GRIA1: variants seen among roughly 807,000 people sequenced by gnomAD.
GRIA1 encodes the protein glutamate ionotropic receptor AMPA type subunit 1.
Under a neutral mutation model 99.2 loss-of-function variants are expected in GRIA1, and 31 were observed. That is an observed-to-expected ratio of 0.31 (90% CI 0.23 to 0.42). The LOEUF (loss-of-function observed/expected upper bound fraction) is 0.42, where lower values mean the gene tolerates loss of function less well. GRIA1 is among the 10% of genes least tolerant of loss of function. GRIA1 has a pLI of 1.00. For synonymous variants in GRIA1, 438 were observed against 432.4 expected (o/e 1.01, Z -0.16); for missense variants, 782 against 1,157.5 (o/e 0.68, Z 4.71).
chr5:153,798,965 A>C (rs1765819014), intron 14 of GRIA1, among the ~76,000 whole-genome samples: 1 of 152,164 alleles, frequency 6.6e-6, no homozygotes, highest in Non-Finnish European at 1.5e-5. Context: ...TCACCATAGC[A>C]ACAAGCCCAG....
rs573275575 is a variant in GRIA1, at chr5:153,706,005, A to T, written c.1761A>T (p.Ile587=). 1 of 1,613,926 alleles carries T rather than the reference A, an allele frequency of 6.2e-7. No homozygotes were observed. Among genetic ancestry groups the T allele is most frequent in the East Asian group, 2.2e-5 (1 of 44,878 alleles). Residue 587 remains isoleucine, a synonymous_variant, in exon 11 of 16, where the codon ATA becomes ATT. Coordinates refer to ENST00000285900, the MANE Select transcript of GRIA1 (RefSeq NM_000827.4). ...TTSDQSNEFG[I]FNSLWFSLGA... is the part of the protein sequence containing the mutation. ...GTGACCAGTCCAATGAGTTTGGGAT[A>T]TTCAACAGTTTGTGGTTCTCCCTGG...
chr5:153,709,059 G>C (rs376746015), intron 11 of GRIA1, among the ~76,000 whole-genome samples: 1 of 152,202 alleles, frequency 6.6e-6, no homozygotes, highest in African/African-American at 2.4e-5. Context: ...ATCTTACCTT[G>C]AACCAGACAA....
In GRIA1 at chr5:153,706,108, T is replaced by TTTTGTTTGTTTGTTTG. The variant is rs140268951; in HGVS notation, c.1823+53_1823+68dup. 5.8e-3 allele frequency: 7,828 copies of TTTTGTTTGTTTGTTTG among 1,349,050 alleles called. 112 individuals carry two copies. Among genetic ancestry groups the TTTTGTTTGTTTGTTTG allele is most frequent in the South Asian group, 0.024 (1,873 of 79,630 alleles). The allele number at this position is 1,349,050 out of a possible 1,614,324, so 83.6% of individuals were successfully genotyped here. ...TCAATCCCTTTGCCTAATGCTATGG[T>TTTTGTTTGTTTGTTTG]TTTGTTTGTTTGTTTGTTTGTTTGT... On this transcript the variant is annotated intron_variant, in intron 11 of 15. Transcript: ENST00000285900.
intron 3 of GRIA1, among the ~76,000 whole-genome samples, chr5:153,649,031 A>G (rs191824296): frequency 2.1e-4 from 32 of 152,326 alleles, no homozygotes; most frequent in African/African-American, 6.5e-4. Flanking sequence ...AGTTGGAGTC[A>G]GAAGAGTCAG....
At chr5:153,560,644 C>A (rs1402236846) in intron 2 of GRIA1, among the ~76,000 whole-genome samples, 1 of 152,162 alleles carries the variant, frequency 6.6e-6, no homozygotes, top group African/African-American at 2.4e-5. Context: ...TGTGAGGCCT[C>A]CCTAGCTGTG....
chr5:153,560,405 G>A (rs992388173), intron 2 of GRIA1, among the ~76,000 whole-genome samples: 1 of 152,140 alleles, frequency 6.6e-6, no homozygotes, highest in African/African-American at 2.4e-5. Flanking sequence ...AGGCTGATAT[G>A]GTGTGGCTAT....
intron 2 of GRIA1, among the ~76,000 whole-genome samples, chr5:153,560,906 C>T (rs1365859155): frequency 6.6e-6 from 1 of 152,152 alleles, no homozygotes; most frequent in Admixed American, 6.5e-5. Context: ...ATGGAAAGGA[C>T]AGAGTCACAA....
At chr5:153,571,991 T>A (rs1382374401) in intron 2 of GRIA1, among the ~76,000 whole-genome samples, 1 of 152,166 alleles carries the variant, frequency 6.6e-6, no homozygotes, top group Non-Finnish European at 1.5e-5. Context: ...ATAAGAGCCT[T>A]TTAGACTTCC....
At chr5:153,680,870 C>T (rs1756925253) in intron 7 of GRIA1, among the ~76,000 whole-genome samples, 1 of 152,144 alleles carries the variant, frequency 6.6e-6, no homozygotes, top group Non-Finnish European at 1.5e-5. Context: ...ATAGGATGAC[C>T]ACTTTATTAT....
intron 13 of GRIA1, among the ~76,000 whole-genome samples, chr5:153,778,947 A>T (rs1338880719): frequency 6.6e-6 from 1 of 152,170 alleles, no homozygotes; most frequent in Non-Finnish European, 1.5e-5. Flanking sequence ...ATGCATATTA[A>T]GGTTCCCCTG....
chr5:153,506,207 G>C (rs539058912), intron 2 of GRIA1, among the ~76,000 whole-genome samples: 1 of 152,148 alleles, frequency 6.6e-6, no homozygotes, highest in South Asian at 2.1e-4. Context: ...AAGGCAGAGA[G>C]GGGGAGGTAT....
At chr5:153,561,399 CAA>C (rs1761114310) in intron 2 of GRIA1, among the ~76,000 whole-genome samples, 7 of 152,050 alleles carry the variant, frequency 4.6e-5, no homozygotes, top group Admixed American at 6.6e-5. Flanking sequence ...AAGCCTGACC[CAA>C]CATAGTGCTG....
intron 2 of GRIA1, among the ~76,000 whole-genome samples, chr5:153,604,145 A>G (rs908784552): frequency 2.0e-5 from 3 of 152,010 alleles, no homozygotes; most frequent in Non-Finnish European, 2.9e-5. Context: ...GTTTGCTACC[A>G]ATTAGAGGGG....
chr5:153,654,823 T>TA (rs915829276), intron 4 of GRIA1, among the ~76,000 whole-genome samples: 2 of 151,968 alleles, frequency 1.3e-5, no homozygotes, highest in South Asian at 4.2e-4. Flanking sequence ...ATTTGATGAT[T>TA]AAAAAAAATA....
chr5:153,790,230 C>T (rs949645689), intron 13 of GRIA1, among the ~76,000 whole-genome samples: 1 of 152,208 alleles, frequency 6.6e-6, no homozygotes, highest in Non-Finnish European at 1.5e-5. Flanking sequence ...GCCTGGAATA[C>T]CCACGTATTC....
At chr5:153,704,494 G>A (rs1270464374) in intron 10 of GRIA1, among the ~76,000 whole-genome samples, 1 of 152,232 alleles carries the variant, frequency 6.6e-6, no homozygotes, top group Admixed American at 6.5e-5. Flanking sequence ...GTGATTCCAT[G>A]TGCTGGGTGC....
In GRIA1 at chr5:153,493,947, G is replaced by A; in HGVS notation, c.102G>A (p.Gln34=). The change falls in exon 2 of 16, where the codon CAG becomes CAA. Residue 34 remains glutamine (Q), a synonymous_variant. Coordinates refer to ENST00000285900, the MANE Select transcript of GRIA1 (RefSeq NM_000827.4). The part of the protein sequence containing the change: ...NIQIGGLFPN[Q]QSQEHAAFRF... The stretch of plus-strand genomic sequence containing the variant: ...TCATAGGGGGATTATTTCCAAACCA[G>A]CAGTCACAGGAACATGCTGCTTTTA... The A allele has an allele frequency of 6.2e-7, 1 of 1,613,998 alleles. No homozygotes were observed.
chr5:153,577,633 T>G (rs1280499393), intron 2 of GRIA1, among the ~76,000 whole-genome samples: 2 of 152,198 alleles, frequency 1.3e-5, no homozygotes, highest in Non-Finnish European at 2.9e-5. Context: ...ACCAGAAAAC[T>G]AGAAGTCAGA....
chr5:153,490,946 A>C lies in GRIA1; in HGVS notation c.58A>C (p.Asn20His). 1 of 1,614,116 alleles carries C rather than the reference A, an allele frequency of 6.2e-7. No individual in the cohort carries two copies. Reference sequence around the variant, plus strand: ...TTTCCTAGGCGCGGTAGTAGGTGCCAATTTCCCCAACAATATCCAGATCGG... The same window carrying C: ...TTTCCTAGGCGCGGTAGTAGGTGCCCATTTCCCCAACAATATCCAGATCGG... ...TGFLGAVVGA[N>H]FPNNIQIGGL... Residue 20 changes from asparagine (N) to histidine (H), a missense_variant, in exon 1 of 16, where the codon AAT becomes CAT. This residue lies in a region of GRIA1 where 461 missense variants were observed against 521.7 expected (regional missense o/e 0.88). Transcript: ENST00000285900.
Sources: allele counts gnomAD v4.1 joint callset (sites outside exome capture counted in the v4.1 genomes callset), GRCh38; gene constraint gnomAD v4.1.1; regional missense constraint gnomAD v4.1.1; transcripts MANE v1.5; gene names NCBI Gene and HGNC (gene_info 2026-07-23, HGNC 2026-07-21).